The following CDH13 variants were observed in gnomAD, a reference collection of about 807,000 sequenced individuals.
CDH13 encodes the protein cadherin-13.
CDH13 carries 24 observed loss-of-function variants against 63.8 expected under a neutral mutation model. The ratio of observed to expected loss-of-function variants is 0.38; its 90% CI spans 0.27 to 0.53. The LOEUF (loss-of-function observed/expected upper bound fraction) is 0.53, where lower values mean the gene tolerates loss of function less well. Ranked by LOEUF, CDH13 falls within the 20% of genes least tolerant of loss-of-function variation. CDH13 has a pLI of 0.85. For synonymous variants in CDH13, 503 were observed against 355.3 expected (o/e 1.42, Z -4.67); for missense variants, 1,049 against 903.1 (o/e 1.16, Z -2.07).
intron 1 of CDH13, among the ~76,000 whole-genome samples, chr16:82,784,718 G>T (rs2035922168): frequency 6.6e-6 from 1 of 152,154 alleles, no homozygotes; most frequent in Admixed American, 6.5e-5. Flanking sequence ...AGGTGAAGGG[G>T]AAGTAGAGGA....
chr16:83,440,954 A>G (rs959137135), intron 6 of CDH13, among the ~76,000 whole-genome samples: 1 of 152,196 alleles, frequency 6.6e-6, no homozygotes, highest in Non-Finnish European at 1.5e-5. Flanking sequence ...TTCCCCTCCA[A>G]CAATGTCCCA....
At chr16:83,128,495 C>T (rs763993685) in intron 4 of CDH13, among the ~76,000 whole-genome samples, 2 of 152,210 alleles carry the variant, frequency 1.3e-5, no homozygotes, top group African/African-American at 2.4e-5. Flanking sequence ...ACCACTAGTA[C>T]ACAATACTTT....
intron 3 of CDH13, among the ~76,000 whole-genome samples, chr16:83,123,457 T>G (rs750279545): frequency 9.9e-5 from 15 of 152,066 alleles, no homozygotes; most frequent in Admixed American, 7.2e-4. Flanking sequence ...TTTTGTATTT[T>G]TAGTAGAGAC....
rs144969172 is a variant in CDH13, at chr16:83,361,279, A to G, written c.781+16273A>G. 9.8e-3 allele frequency among the ~76,000 whole-genome samples: 1,484 copies of G among 152,136 alleles called. 17 individuals carry two copies. The highest frequency in any genetic ancestry group is 0.033 in the African/African-American group (1,375 of 41,522). ...CCTTTGCCCACATTTTAATAGGGTTATTTGTTTTTCGCTTGTTGAATTATT... is the reference window on the plus strand; with the variant it reads ...CCTTTGCCCACATTTTAATAGGGTTGTTTGTTTTTCGCTTGTTGAATTATT... On this transcript the variant is annotated intron_variant, in intron 6 of 13. Coordinates refer to ENST00000567109, the MANE Select transcript of CDH13 (RefSeq NM_001257.5).
chr16:82,781,836 T>C (rs1420732557), intron 1 of CDH13, among the ~76,000 whole-genome samples: 1 of 152,216 alleles, frequency 6.6e-6, no homozygotes, highest in Non-Finnish European at 1.5e-5. Context: ...TAGGATCTAG[T>C]ACGGGAGTAT....
intron 5 of CDH13, among the ~76,000 whole-genome samples, chr16:83,320,162 C>G (rs13331568): frequency 0.029 from 4,393 of 152,114 alleles, 87 homozygotes; most frequent in Non-Finnish European, 0.044. Context: ...ATCTCAACCT[C>G]ACGAGTAGCT....
At chr16:82,645,855 T>A (rs1429508038) in intron 1 of CDH13, among the ~76,000 whole-genome samples, 2 of 152,212 alleles carry the variant, frequency 1.3e-5, no homozygotes, top group Admixed American at 6.5e-5. Flanking sequence ...CAAAGGGCAT[T>A]TAAGAAGCTA....
intron 6 of CDH13, among the ~76,000 whole-genome samples, chr16:83,448,029 T>C (rs1401786419): frequency 6.6e-6 from 1 of 152,192 alleles, no homozygotes; most frequent in Non-Finnish European, 1.5e-5. Context: ...GAGCAGGTAC[T>C]TCCAAGGGAA....
At chr16:82,761,469 T>C (rs1026989201) in intron 1 of CDH13, among the ~76,000 whole-genome samples, 3 of 152,222 alleles carry the variant, frequency 2.0e-5, no homozygotes, top group African/African-American at 7.2e-5. Flanking sequence ...GAGTCAGTGC[T>C]GTCTAAACTT....
At chr16:83,783,494 G>A in intron 13 of CDH13, 22 bp downstream of exon 13, 1 of 1,583,946 alleles carries the variant, frequency 6.3e-7, no homozygotes, top group Non-Finnish European at 8.7e-7. Context: ...TAACTCCAGT[G>A]CATGCACAAA....
intron 1 of CDH13, among the ~76,000 whole-genome samples, chr16:82,734,683 T>C (rs995922017): frequency 6.6e-6 from 1 of 152,232 alleles, no homozygotes; most frequent in African/African-American, 2.4e-5. Flanking sequence ...CCAGCTATGA[T>C]ACAGACCAAT....
intron 7 of CDH13, among the ~76,000 whole-genome samples, chr16:83,582,800 G>A (rs929002410): frequency 3.3e-5 from 5 of 152,210 alleles, no homozygotes; most frequent in African/African-American, 1.2e-4. Flanking sequence ...AGGACCTTAA[G>A]CAGAGTCCGA....
intron 4 of CDH13, among the ~76,000 whole-genome samples, chr16:83,131,466 T>C (rs1254627816): frequency 1.3e-5 from 2 of 152,126 alleles, no homozygotes; most frequent in East Asian, 3.9e-4. Context: ...AGTGGCTTTT[T>C]CCCCTCCCCC....
chr16:82,822,142 C>T (rs186717685), intron 1 of CDH13, among the ~76,000 whole-genome samples: 10 of 152,194 alleles, frequency 6.6e-5, no homozygotes, highest in Non-Finnish European at 1.3e-4. Context: ...TAACAGCAAT[C>T]AAAAGATTAC....
intron 7 of CDH13, among the ~76,000 whole-genome samples, chr16:83,596,751 C>T (rs994918357): frequency 7.2e-5 from 11 of 152,114 alleles, no homozygotes; most frequent in African/African-American, 2.4e-4. Context: ...GTTCATGTGG[C>T]ATTTTCTCTA....
chr16:82,742,367 A>G (rs1290467466), intron 1 of CDH13, among the ~76,000 whole-genome samples: 2 of 152,160 alleles, frequency 1.3e-5, no homozygotes, highest in Admixed American at 1.3e-4. Context: ...GAACATACAT[A>G]GCATTTATAG....
intron 1 of CDH13, among the ~76,000 whole-genome samples, chr16:82,639,192 C>T (rs1462820368): frequency 6.6e-6 from 1 of 152,162 alleles, no homozygotes; most frequent in Non-Finnish European, 1.5e-5. Flanking sequence ...CTCTACCTCC[C>T]TTAAAGTCAA....
intron 2 of CDH13, among the ~76,000 whole-genome samples, chr16:82,871,091 T>C (rs2040328453): frequency 6.6e-6 from 1 of 152,224 alleles, no homozygotes; most frequent in Admixed American, 6.5e-5. Flanking sequence ...CTTGTTTCTG[T>C]CATATCAGTA....
intron 5 of CDH13, among the ~76,000 whole-genome samples, chr16:83,245,911 A>AT (rs1904945297): frequency 6.6e-6 from 1 of 151,816 alleles, no homozygotes; most frequent in African/African-American, 2.4e-5. Context: ...CCCAGCTTGT[A>AT]TTTTTTGTAG....
Sources: gnomAD v4.1 joint callset for allele counts (sites outside exome capture counted in the v4.1 genomes callset) on GRCh38, gnomAD v4.1.1 for gene constraint, MANE v1.5 for transcripts, NCBI Gene and HGNC (gene_info 2026-07-23, HGNC 2026-07-21) for gene names.